Variants in ZIM2 observed in about 807,000 individuals in gnomAD.
ZIM2 encodes the protein zinc finger imprinted 2.
Under a neutral mutation model 38.6 loss-of-function variants are expected in ZIM2, and 14 were observed. The observed-to-expected ratio is 0.36, with a 90% CI of 0.24 to 0.57. The LOEUF is 0.57. Among genes scored for constraint, ZIM2 ranks in the 20% least tolerant of loss-of-function variants. The probability of loss-of-function intolerance (pLI) is 0.81; values close to 1 mark genes in which losing one functional copy is unlikely to be tolerated. For missense variants in ZIM2, 680 were observed against 695.1 expected, an observed-to-expected ratio of 0.98 and a Z score of 0.24; for synonymous variants, 247 against 245.8, an observed-to-expected ratio of 1.00 and a Z score of -0.04.
intron 9 of ZIM2, chr19:56,815,370 A>G (rs1360147717): frequency 1.2e-6 from 2 of 1,614,230 alleles, no homozygotes; most frequent in South Asian, 1.1e-5. Context: ...GCTCTTTAGC[A>G]TACTGCTCTT....
rs1025430934 is a variant in ZIM2, at chr19:56,814,638, G to A, written c.490+3108C>T. ...TCTGACTTCTCTGAAACTCAGTGAGGGCTAAGCCTGGAATGATAGCTTCCT... is the reference window on the plus strand; with the variant it reads ...TCTGACTTCTCTGAAACTCAGTGAGAGCTAAGCCTGGAATGATAGCTTCCT... On this transcript the variant is annotated intron_variant, in intron 9 of 12. Transcript: ENST00000629319. The surrounding 1 kb of genome is among the most constrained non-coding windows in gnomAD (Gnocchi z 5.8). The A allele has an allele frequency of 6.2e-7, 1 of 1,614,128 alleles. No individual in the cohort carries two copies. Among genetic ancestry groups the A allele is most frequent in the Non-Finnish European group, 8.5e-7 (1 of 1,180,024 alleles).
At chr19:56,839,799 C>A (rs1386359076) in intron 1 of ZIM2, among the ~76,000 whole-genome samples, 2 of 152,144 alleles carry the variant, frequency 1.3e-5, no homozygotes, top group Admixed American at 1.3e-4. Context: ...CTCAGCCACC[C>A]TCATAAAAGA....
At chr19:56,779,616 A>C (rs941092489) in intron 11 of ZIM2, 144 bp from the exon 12 acceptor site, 2 of 703,512 alleles carry the variant, frequency 2.8e-6, no homozygotes, top group Non-Finnish European at 4.7e-6. Context: ...TTACCCCCTA[A>C]GGGACATCTA....
Position 56,821,631 on chromosome 19 carries a change from GA to G in ZIM2, c.294+19del. ...GAAATGAAGATGGCCTTTCTAGAAA[GA>G]GAGGAAACCTGAGCATACCTGAGAT... is the stretch of plus-strand genomic sequence containing the variant. On this transcript the variant is annotated intron_variant, in intron 7 of 12. Coordinates refer to ENST00000629319, the MANE Select transcript of ZIM2 (RefSeq NM_001387356.1). 6.2e-7 allele frequency: 1 copy of G among 1,611,698 alleles called. No homozygotes were observed. The highest frequency in any genetic ancestry group is 1.1e-5 in the South Asian group (1 of 90,668).
At chr19:56,812,618 C>T (rs1036227664) in intron 9 of ZIM2, 31 of 985,418 alleles carry the variant, frequency 3.1e-5, no homozygotes, top group Non-Finnish European at 3.6e-5. Flanking sequence ...AGGAAGCGCA[C>T]AAAGGAAGTG....
At chr19:56,801,119 T>C (rs540089185) in intron 9 of ZIM2, among the ~76,000 whole-genome samples, 8 of 151,974 alleles carry the variant, frequency 5.3e-5, no homozygotes, top group Admixed American at 2.0e-4. Context: ...GTGTTTTTAG[T>C]AGAGACAGGG....
intron 9 of ZIM2, among the ~76,000 whole-genome samples, chr19:56,807,610 T>C (rs1254721023): frequency 6.6e-6 from 1 of 152,074 alleles, no homozygotes; most frequent in African/African-American, 2.4e-5. Context: ...GGGCACCATA[T>C]TGAGATCCTG....
chr19:56,795,625 G>A (rs2047175556), intron 9 of ZIM2, among the ~76,000 whole-genome samples: 1 of 152,210 alleles, frequency 6.6e-6, no homozygotes, highest in Non-Finnish European at 1.5e-5. Flanking sequence ...CGAGGATAGG[G>A]TTGGTACGGC....
intron 7 of ZIM2, among the ~76,000 whole-genome samples, chr19:56,820,376 A>C (rs923986969): frequency 2.0e-5 from 3 of 152,232 alleles, no homozygotes; most frequent in Non-Finnish European, 4.4e-5. Context: ...CAGACTTTTA[A>C]TTATGCAGAC....
At chr19:56,812,511 C>G in intron 9 of ZIM2, 1 of 985,496 alleles carries the variant, frequency 1.0e-6, no homozygotes, top group Non-Finnish European at 1.2e-6. Context: ...TCTAAGGATA[C>G]TAGCTCCTGG....
At chr19:56,819,239 A>C (rs1377469722) in intron 7 of ZIM2, among the ~76,000 whole-genome samples, 1 of 152,226 alleles carries the variant, frequency 6.6e-6, no homozygotes, top group East Asian at 1.9e-4. Context: ...GATGTGACTT[A>C]AACCTCCCTC....
At chr19:56,795,694 G>A (rs1207289375) in intron 9 of ZIM2, among the ~76,000 whole-genome samples, 3 of 151,934 alleles carry the variant, frequency 2.0e-5, no homozygotes, top group South Asian at 2.1e-4. Context: ...TAAAACTAAC[G>A]CCTTCTGTTG....
intron 3 of ZIM2, among the ~76,000 whole-genome samples, chr19:56,825,414 C>G (rs1249698057): frequency 1.3e-5 from 2 of 152,264 alleles, no homozygotes; most frequent in East Asian, 3.8e-4. Context: ...AAGGTCTAAT[C>G]TGTCTAAAAG....
chr19:56,807,678 C>G (rs2047824278), intron 9 of ZIM2, among the ~76,000 whole-genome samples: 1 of 151,944 alleles, frequency 6.6e-6, no homozygotes, highest in Non-Finnish European at 1.5e-5. Flanking sequence ...GTGATCCCAG[C>G]TACACAAGAA....
chr19:56,829,703 G>C (rs114037662), intron 2 of ZIM2, among the ~76,000 whole-genome samples: 3,476 of 152,288 alleles, frequency 0.023, 137 homozygotes, highest in African/African-American at 0.081. Flanking sequence ...GATTCAACCC[G>C]TCCTCTACTT....
In ZIM2 at chr19:56,814,928, A is replaced by G. The variant is rs1218523261; in HGVS notation, c.490+2818T>C. ...TCGAAAAGGAATGAGCTATGAATAAAAGATTCCCCACACTTTGGACATTCA... is the reference window on the plus strand; with the variant it reads ...TCGAAAAGGAATGAGCTATGAATAAGAGATTCCCCACACTTTGGACATTCA... On this transcript the variant is annotated intron_variant, in intron 9 of 12. Coordinates refer to ENST00000629319, the MANE Select transcript of ZIM2 (RefSeq NM_001387356.1). This position sits in a 1 kb window ranked among gnomAD's most constrained non-coding sequence, Gnocchi z 5.8. 1 of 1,614,050 alleles carries G rather than the reference A, an allele frequency of 6.2e-7. No individual in the cohort carries two copies. The highest frequency in any genetic ancestry group is 1.3e-5 in the African/African-American group (1 of 74,916).
rs138507843 is a variant in ZIM2, at chr19:56,836,561, G to A, written c.-313-457C>T. ...AGTCCAAGTCCCACTGCACCTCAGAGTATGTGTTCAATCAATTAGAGGTCC... is the reference window on the plus strand; with the variant it reads ...AGTCCAAGTCCCACTGCACCTCAGAATATGTGTTCAATCAATTAGAGGTCC... On this transcript the variant is annotated intron_variant, in intron 1 of 12. Coordinates refer to ENST00000629319, the MANE Select transcript of ZIM2 (RefSeq NM_001387356.1). 6.7e-3 allele frequency among the ~76,000 whole-genome samples: 1,023 copies of A among 152,306 alleles called. 5 individuals are homozygous for A. Among genetic ancestry groups the A allele is most frequent in the African/African-American group, 0.023 (949 of 41,562 alleles).
intron 5 of ZIM2, 87 bp downstream of exon 5, chr19:56,823,503 T>G: frequency 4.6e-6 from 7 of 1,523,008 alleles, no homozygotes; most frequent in Non-Finnish European, 6.4e-6. Context: ...GCGGGTCATC[T>G]TCATGGAGGC....
At chr19:56,822,620 T>A in intron 6 of ZIM2, 133 bp downstream of exon 6, 1 of 1,289,258 alleles carries the variant, frequency 7.8e-7, no homozygotes, top group Non-Finnish European at 1.1e-6. Flanking sequence ...AGCCTTGGAC[T>A]AAACTTTTGG....
Sources: allele counts gnomAD v4.1 joint callset (sites outside exome capture counted in the v4.1 genomes callset), GRCh38; gene constraint gnomAD v4.1.1; non-coding constraint Gnocchi (gnomAD v3.1); transcripts MANE v1.5; gene names NCBI Gene and HGNC (gene_info 2026-07-23, HGNC 2026-07-21).